The following SEPTIN11 variants were observed in gnomAD, a reference collection of about 807,000 sequenced individuals.
SEPTIN11 encodes the protein septin 11.
SEPTIN11 carries 25 observed loss-of-function variants against 51.4 expected under a neutral mutation model. The ratio of observed to expected loss-of-function variants is 0.49; its 90% confidence interval spans 0.35 to 0.68. The LOEUF is 0.68. Among genes scored for constraint, SEPTIN11 ranks in the 30% least tolerant of loss-of-function variants. The pLI, the probability that SEPTIN11 is intolerant of heterozygous loss-of-function variation, is 0.00. For synonymous variants in SEPTIN11, 174 were observed against 184.1 expected (o/e 0.95, Z 0.44); for missense variants, 381 against 520.8 (o/e 0.73, Z 2.61).
intron 1 of SEPTIN11, among the ~76,000 whole-genome samples, chr4:76,954,404 A>G (rs1303285002): frequency 6.6e-6 from 1 of 152,234 alleles, no homozygotes; most frequent in Non-Finnish European, 1.5e-5. Context: ...AACCCAACAC[A>G]TCTAAAGCTT....
At chr4:77,038,926 T>C (rs1727217014), downstream of SEPTIN11, 1 of 484,464 alleles carries the variant, frequency 2.1e-6, no homozygotes, top group African/African-American at 2.0e-5. Context: ...CTGCTGCTGC[T>C]CACCCTCCCG....
chr4:77,007,060 T>C (rs1724525394), intron 3 of SEPTIN11, among the ~76,000 whole-genome samples: 1 of 152,202 alleles, frequency 6.6e-6, no homozygotes, highest in African/African-American at 2.4e-5. Context: ...CAAGTTCAGC[T>C]CTGACACTGC....
chr4:77,026,850 T>C (rs1726184674), intron 7 of SEPTIN11, among the ~76,000 whole-genome samples: 1 of 152,178 alleles, frequency 6.6e-6, no homozygotes, highest in Non-Finnish European at 1.5e-5. Context: ...ATATGCAAAA[T>C]TTCATGAATT....
intron 1 of SEPTIN11, among the ~76,000 whole-genome samples, chr4:76,968,771 C>T (rs967787306): frequency 5.3e-5 from 8 of 152,166 alleles, no homozygotes; most frequent in African/African-American, 1.4e-4. Flanking sequence ...GGTTGAACCA[C>T]ATGAAAGTTG....
intron 1 of SEPTIN11, among the ~76,000 whole-genome samples, chr4:76,956,999 A>AT (rs1721591276): frequency 8.1e-6 from 1 of 123,712 alleles, no homozygotes; most frequent in Non-Finnish European, 1.7e-5. Flanking sequence ...TGTGTGAGAG[A>AT]GAGAGAGACA....
chr4:76,994,928 T>TA (rs1446615399), intron 1 of SEPTIN11, among the ~76,000 whole-genome samples: 5 of 108,062 alleles, frequency 4.6e-5, no homozygotes, highest in African/African-American at 1.3e-4. Context: ...TTTTTTTTTT[T>TA]AAATAAAATG....
At chr4:76,995,811 C>T (rs1225362867) in intron 1 of SEPTIN11, 2 of 1,530,958 alleles carry the variant, frequency 1.3e-6, no homozygotes, top group East Asian at 4.9e-5. Flanking sequence ...AAAACTCCAG[C>T]AGTTACAGAG....
At chr4:77,029,789 TAC>T (rs202091484) in intron 8 of SEPTIN11, among the ~76,000 whole-genome samples, 1 of 151,718 alleles carries the variant, frequency 6.6e-6, no homozygotes, top group African/African-American at 2.4e-5. Context: ...CACATATATA[TAC>T]ACACACATAT....
intron 1 of SEPTIN11, among the ~76,000 whole-genome samples, chr4:76,994,349 A>T (rs540047802): frequency 2.0e-5 from 3 of 152,312 alleles, no homozygotes; most frequent in African/African-American, 7.2e-5. Flanking sequence ...TGAACCTTTG[A>T]GGTATCTAAA....
intron 6 of SEPTIN11, among the ~76,000 whole-genome samples, chr4:77,019,610 A>C (rs1725551298): frequency 6.6e-6 from 1 of 152,238 alleles, no homozygotes; most frequent in Non-Finnish European, 1.5e-5. Flanking sequence ...TTTCTTGCAA[A>C]CAAGAGGGTA....
chr4:77,039,711 T>G, downstream of SEPTIN11: 1 of 985,092 alleles, frequency 1.0e-6, no homozygotes, highest in East Asian at 1.1e-4. Context: ...TTCTTTGGAG[T>G]GTTCTATTGA....
At chr4:77,007,842 T>C (rs1724597485) in intron 3 of SEPTIN11, among the ~76,000 whole-genome samples, 1 of 152,244 alleles carries the variant, frequency 6.6e-6, no homozygotes, top group Non-Finnish European at 1.5e-5. Flanking sequence ...CAAATTGTTA[T>C]CTGGACAGGC....
intron 9 of SEPTIN11, among the ~76,000 whole-genome samples, chr4:77,033,447 C>T (rs769908954): frequency 2.0e-5 from 3 of 152,178 alleles, no homozygotes; most frequent in Non-Finnish European, 2.9e-5. Context: ...GTTCTAATGA[C>T]ACGCTCCTTT....
intron 6 of SEPTIN11, among the ~76,000 whole-genome samples, chr4:77,019,850 A>G (rs1301043100): frequency 6.6e-6 from 1 of 152,214 alleles, no homozygotes; most frequent in Non-Finnish European, 1.5e-5. Flanking sequence ...GGCTAAAGAA[A>G]GTTCTTCGCT....
chr4:77,033,594 G>A (rs771091434), intron 9 of SEPTIN11, among the ~76,000 whole-genome samples: 1 of 152,126 alleles, frequency 6.6e-6, no homozygotes, highest in Non-Finnish European at 1.5e-5. Context: ...GCCATCTCTG[G>A]CCACGAAGTC....
At chr4:76,968,878 C>A (rs1253117781) in intron 1 of SEPTIN11, among the ~76,000 whole-genome samples, 1 of 152,200 alleles carries the variant, frequency 6.6e-6, no homozygotes, top group South Asian at 2.1e-4. Flanking sequence ...ATGTATCTTC[C>A]TATTCTTAAA....
intron 1 of SEPTIN11, among the ~76,000 whole-genome samples, chr4:76,982,008 G>A (rs1190034865): frequency 6.6e-6 from 1 of 152,116 alleles, no homozygotes; most frequent in African/African-American, 2.4e-5. Flanking sequence ...AGCACATCCT[G>A]GGCATAATGC....
At chr4:77,008,479 G>A (rs916590646) in intron 3 of SEPTIN11, among the ~76,000 whole-genome samples, 9 of 152,142 alleles carry the variant, frequency 5.9e-5, no homozygotes, top group African/African-American at 2.2e-4. Flanking sequence ...AGGTAGTCAA[G>A]GGATAAGGAA....
At chr4:76,957,705 A>G (rs1721622806) in intron 1 of SEPTIN11, among the ~76,000 whole-genome samples, 1 of 152,020 alleles carries the variant, frequency 6.6e-6, no homozygotes, top group African/African-American at 2.4e-5. Context: ...TCTCTTGCAC[A>G]CCTGAACCAC....
Sources: allele counts gnomAD v4.1 joint callset (sites outside exome capture counted in the v4.1 genomes callset), GRCh38; gene constraint gnomAD v4.1.1; transcripts MANE v1.5; gene names NCBI Gene and HGNC (gene_info 2026-07-23, HGNC 2026-07-21).